TM4SF20: variants seen among roughly 807,000 people sequenced by gnomAD.
The protein encoded by TM4SF20 is transmembrane 4 L six family member 20, also known as transmembrane 4 L6 family member 20.
TM4SF20 carries 13 observed loss-of-function variants against 15.1 expected under a neutral mutation model. The observed-to-expected ratio is 0.86, with a 90% CI of 0.56 to 1.36. TM4SF20 has a LOEUF of 1.36. Among genes scored for constraint, TM4SF20 ranks in the 40% most tolerant of loss-of-function variants. The pLI, the probability that TM4SF20 is intolerant of heterozygous loss-of-function variation, is 0.00. For missense variants in TM4SF20, 282 were observed against 268.4 expected (o/e 1.05, Z -0.35); for synonymous variants, 92 against 96.6 (o/e 0.95, Z 0.28).
At chr2:227,375,402 G>T (rs1488681995) in intron 1 of TM4SF20, among the ~76,000 whole-genome samples, 1 of 151,922 alleles carries the variant, frequency 6.6e-6, no homozygotes, top group Non-Finnish European at 1.5e-5. Context: ...CAAAAACAAT[G>T]ACCAAAAAAA....
chr2:227,369,116 G>A (rs995057543), intron 2 of TM4SF20, among the ~76,000 whole-genome samples: 1 of 152,130 alleles, frequency 6.6e-6, no homozygotes, highest in Non-Finnish European at 1.5e-5. Context: ...AAAGTGACAG[G>A]GAAGGGAAAC....
chr2:227,378,728 C>T (rs2076463677), intron 1 of TM4SF20, among the ~76,000 whole-genome samples: 1 of 152,126 alleles, frequency 6.6e-6, no homozygotes, highest in Admixed American at 6.6e-5. Flanking sequence ...TCTGTAAATA[C>T]TTAGAGACTG....
chr2:227,370,504 C>T (rs2076415197), intron 2 of TM4SF20, among the ~76,000 whole-genome samples: 1 of 152,158 alleles, frequency 6.6e-6, no homozygotes, highest in Non-Finnish European at 1.5e-5. Flanking sequence ...AACCTGTAAT[C>T]CCAGCACTTT....
chr2:227,368,196 T>C (rs1161745707), intron 2 of TM4SF20, among the ~76,000 whole-genome samples: 1 of 149,632 alleles, frequency 6.7e-6, no homozygotes, highest in African/African-American at 2.4e-5. Flanking sequence ...GCTAATTTTT[T>C]GTATTTTTAG....
upstream of TM4SF20, among the ~76,000 whole-genome samples, chr2:227,380,058 G>A (rs2076472242): frequency 2.0e-5 from 3 of 152,258 alleles, no homozygotes. Flanking sequence ...GCCAGCTGCG[G>A]TGGCTCACGC....
Position 227,363,968 on chromosome 2 carries a change from T to G in TM4SF20, c.446A>C (p.Asp149Ala). Residue 149 changes from aspartate (D) to alanine (A), a missense_variant, in exon 4 of 4, where the codon GAC becomes GCC. Physicochemically the swap from Asp to Ala is moderately radical, Grantham distance 126. Transcript: ENST00000304568. ...ESFNLQWFFN[D>A]SCAPPTGFNK... ...GAAACCAGTAGGAGGTGCACAAGAG[T>G]CATTGAAAAACCACTGCAAGTTGAA... The G allele has an allele frequency of 1.2e-6, 2 of 1,612,732 alleles. No homozygotes were observed. The highest frequency in any genetic ancestry group is 1.7e-6 in the Non-Finnish European group (2 of 1,179,510).
At chr2:227,370,879 G>A (rs866184320) in intron 2 of TM4SF20, 36 bp downstream of exon 2, 13 of 1,585,530 alleles carry the variant, frequency 8.2e-6, no homozygotes, top group Admixed American at 1.7e-5. Context: ...AACTGTTCAT[G>A]CACTTCTGCT....
chr2:227,364,095 T>A, intron 3 of TM4SF20, 83 bp from the exon 4 acceptor site: 2 of 1,311,494 alleles, frequency 1.5e-6, no homozygotes, highest in Non-Finnish European at 2.1e-6. Context: ...AAAGAATGAG[T>A]GAAACGAATG....
intron 2 of TM4SF20, among the ~76,000 whole-genome samples, chr2:227,370,663 CA>C (rs1370907807): frequency 1.3e-5 from 2 of 152,122 alleles, no homozygotes; most frequent in Non-Finnish European, 2.9e-5. Flanking sequence ...GAGGCTGAGG[CA>C]GGAGAATTGC....
intron 2 of TM4SF20, among the ~76,000 whole-genome samples, chr2:227,368,335 T>TATATATATATATATATATATATATA (rs1553786651): frequency 4.0e-4 from 49 of 122,684 alleles, no homozygotes; most frequent in African/African-American, 8.1e-4. Context: ...CATCTATTAT[T>TATATATATATATATATATATATATA]TATATATATA....
intron 2 of TM4SF20, 78 bp from the exon 3 acceptor site, chr2:227,366,322 T>C (rs1355874839): frequency 1.5e-6 from 2 of 1,310,036 alleles, no homozygotes; most frequent in Non-Finnish European, 2.1e-6. Context: ...GCGTATACAG[T>C]CTTTTTTAAA....
At chr2:227,366,716 CAAAAAAAAAAAAAAAAAA>C (rs59401554) in intron 2 of TM4SF20, among the ~76,000 whole-genome samples, 29 of 68,226 alleles carry the variant, frequency 4.3e-4, no homozygotes, top group Admixed American at 3.0e-3. Flanking sequence ...AAGACTCTGT[CAAAAAAAAAAAAAAAAAA>C]AAAAAAAAAA....
intron 2 of TM4SF20, among the ~76,000 whole-genome samples, chr2:227,368,896 C>G (rs750925274): frequency 6.6e-6 from 1 of 152,214 alleles, no homozygotes; most frequent in Non-Finnish European, 1.5e-5. Flanking sequence ...TGCCACTTGT[C>G]TCATGTTTTG....
At position 227,363,265 on chromosome 2, in the gene TM4SF20, A is replaced by C. The variant is rs2106486464; in HGVS notation, c.*459T>G. ...CCCCATCTCTACTAAAAATACAAAA[A>C]TTAGCTTGGCATAGTGGCACGCACC... On this transcript the variant is annotated 3_prime_UTR_variant, in exon 4 of 4. Transcript: ENST00000304568. 6.5e-6 allele frequency: 1 copy of C among 153,632 alleles called. No individual in the cohort carries two copies. The highest frequency in any genetic ancestry group is 1.9e-4 in the East Asian group (1 of 5,190). 9.5% of individuals were successfully genotyped at this position (153,632 alleles called of 1,614,324 possible).
chr2:227,376,063 G>GAAA (rs2076448979), intron 1 of TM4SF20, among the ~76,000 whole-genome samples: 1 of 152,132 alleles, frequency 6.6e-6, no homozygotes, highest in Non-Finnish European at 1.5e-5. Flanking sequence ...TTTAGAAGAT[G>GAAA]AAAAGTCCGC....
chr2:227,362,987 T>G lies in TM4SF20; in HGVS notation c.*737A>C, dbSNP rs1157588487. 2.6e-5 allele frequency: 4 copies of G among 152,208 alleles called. No individual in the cohort carries two copies. Among genetic ancestry groups the G allele is most frequent in the Non-Finnish European group, 4.4e-5 (3 of 68,040 alleles). The allele number at this position is 152,208 out of a possible 1,614,324, so 9.4% of individuals were successfully genotyped here. A position where few individuals can be genotyped will look rare whatever the true frequency, so the allele number is the denominator to read the frequency against. On this transcript the variant is annotated 3_prime_UTR_variant, in exon 4 of 4. Transcript: ENST00000304568. ...ATTTTTCTTTTATAACATTTTCCTG[T>G]TGAAAATTGGGCCATTCTGTGCCCG...
chr2:227,369,965 C>T (rs1042191803), intron 2 of TM4SF20, among the ~76,000 whole-genome samples: 6 of 152,192 alleles, frequency 3.9e-5, no homozygotes, highest in African/African-American at 9.7e-5. Flanking sequence ...TCCATTCCTT[C>T]GTCAATCAAA....
At chr2:227,370,470 T>C (rs977718119) in intron 2 of TM4SF20, among the ~76,000 whole-genome samples, 20 of 152,130 alleles carry the variant, frequency 1.3e-4, no homozygotes, top group South Asian at 1.0e-3. Flanking sequence ...AAATAGCATG[T>C]TTCAGGCCAG....
intron 3 of TM4SF20, among the ~76,000 whole-genome samples, chr2:227,365,810 T>G (rs1431447654): frequency 6.6e-6 from 1 of 152,196 alleles, no homozygotes; most frequent in Middle Eastern, 3.2e-3. Flanking sequence ...TACATACACA[T>G]ATGTAACTGT....
Sources: allele counts gnomAD v4.1 joint callset (sites outside exome capture counted in the v4.1 genomes callset), GRCh38; gene constraint gnomAD v4.1.1; transcripts MANE v1.5; gene names NCBI Gene and HGNC (gene_info 2026-07-23, HGNC 2026-07-21).